Variants in SYN3 observed in about 807,000 individuals in gnomAD.
SYN3 encodes the protein synapsin III, also known as synapsin-3.
In SYN3, 35 loss-of-function variants were observed where a neutral mutation model predicts 65.8. That is an observed-to-expected ratio of 0.53 (90% CI 0.41 to 0.70). The LOEUF (loss-of-function observed/expected upper bound fraction) is 0.70, where lower values mean the gene tolerates loss of function less well. SYN3 is among the 30% of genes least tolerant of loss of function. The pLI is 0.00. For synonymous variants in SYN3, 270 were observed against 292.9 expected (o/e 0.92, Z 0.80); for missense variants, 680 against 749.0 (o/e 0.91, Z 1.08).
At chr22:32,973,421 G>A (rs61226089) in intron 3 of SYN3, among the ~76,000 whole-genome samples, 7 of 151,794 alleles carry the variant, frequency 4.6e-5, no homozygotes, top group East Asian at 1.9e-4. Flanking sequence ...TTTTACCCCC[G>A]CCAAAAAAGA....
intron 2 of SYN3, among the ~76,000 whole-genome samples, chr22:33,003,796 T>C (rs1052743172): frequency 4.6e-5 from 7 of 152,178 alleles, no homozygotes; most frequent in African/African-American, 1.7e-4. Context: ...GGGGAAAATG[T>C]CTCTAGGGCA....
chr22:32,509,300 G>A lies in SYN3; in HGVS notation c.*4392C>T, dbSNP rs533006966. On this transcript the variant is annotated 3_prime_UTR_variant, in exon 14 of 14. Transcript: ENST00000358763. ...CAGCTTCCCCGAGTCAGCTTGGAGG[G>A]AAAATGCTAGCCTCTCTCTGGCTCA... Among the ~76,000 whole-genome samples the A allele has an allele frequency of 6.6e-6, 1 of 152,248 alleles. No individual in the cohort carries two copies. Among genetic ancestry groups the A allele is most frequent in the South Asian group, 2.1e-4 (1 of 4,818 alleles).
At chr22:32,656,589 T>C (rs2060144882) in intron 6 of SYN3, among the ~76,000 whole-genome samples, 3 of 152,174 alleles carry the variant, frequency 2.0e-5, no homozygotes, top group Admixed American at 6.5e-5. Context: ...TGTTTAACAT[T>C]CAGAGTAGGA....
At chr22:33,036,208 G>A (rs550141740) in intron 1 of SYN3, among the ~76,000 whole-genome samples, 1 of 152,102 alleles carries the variant, frequency 6.6e-6, no homozygotes, top group Non-Finnish European at 1.5e-5. Flanking sequence ...AGCCTCAGAT[G>A]TGTCTGTGGC....
rs2057669518 is a variant in SYN3 at position 32,509,626 on chromosome 22, T to C, written c.*4066A>G. ...CTCTGTTGCCCAGGCTGGAGTGCAG[T>C]GGTGCGATCTCGGCTCACTGCAAGC... On this transcript the variant is annotated 3_prime_UTR_variant, in exon 14 of 14. Coordinates refer to ENST00000358763, the MANE Select transcript of SYN3 (RefSeq NM_003490.4). Among the ~76,000 whole-genome samples the C allele has an allele frequency of 6.6e-6, 1 of 152,068 alleles. No homozygotes were observed. Among genetic ancestry groups the C allele is most frequent in the South Asian group, 2.1e-4 (1 of 4,818 alleles).
chr22:32,786,511 C>T (rs936410202), intron 6 of SYN3, among the ~76,000 whole-genome samples: 25 of 151,810 alleles, frequency 1.6e-4, no homozygotes, highest in African/African-American at 4.6e-4. Context: ...TACAGGTGCC[C>T]GCCACCACGC....
At position 32,712,350 on chromosome 22, in the gene SYN3, C is replaced by A. The variant is rs963388446; in HGVS notation, c.712-115614G>T. ...TATCACTATTTCAAAGCATATGATT[C>A]ATTTTCATTGTTTGCCTCCCCCACC... On this transcript the variant is annotated intron_variant, in intron 6 of 13. Coordinates refer to ENST00000358763, the MANE Select transcript of SYN3 (RefSeq NM_003490.4). Among the ~76,000 whole-genome samples the A allele has an allele frequency of 6.6e-5, 10 of 152,300 alleles. No homozygotes were observed. The East Asian group carries it at 9.6e-4, about 15-fold the overall frequency.
At chr22:32,630,074 C>G (rs768393735) in intron 6 of SYN3, among the ~76,000 whole-genome samples, 27 of 151,658 alleles carry the variant, frequency 1.8e-4, no homozygotes, top group Admixed American at 3.9e-4. Context: ...ACCTCGGCCT[C>G]CTGGGTTCAA....
At chr22:32,850,458 A>G (rs1436490873) in intron 6 of SYN3, among the ~76,000 whole-genome samples, 1 of 152,112 alleles carries the variant, frequency 6.6e-6, no homozygotes, top group African/African-American at 2.4e-5. Flanking sequence ...TTGCCTTAGC[A>G]CAGAAGACTG....
chr22:32,615,373 G>C (rs1269419068), intron 6 of SYN3, among the ~76,000 whole-genome samples: 1 of 148,300 alleles, frequency 6.7e-6, no homozygotes, highest in Non-Finnish European at 1.5e-5. Context: ...GGCGGAGGTT[G>C]CAGTGAGCTG....
rs115462858 is a variant in SYN3, at chr22:32,850,867, C to T, written c.711+14048G>A. On this transcript the variant is annotated intron_variant, in intron 6 of 13. Transcript: ENST00000358763. ...CAGGTAGAAGGGAGTGGAGGAGTGA[C>T]GCAGCCCACGGTGGTACCCAACCAT... Among the ~76,000 whole-genome samples the T allele has an allele frequency of 4.3e-3, 655 of 152,282 alleles. 1 individual carries two copies. Among genetic ancestry groups the T allele is most frequent in the African/African-American group, 0.015 (618 of 41,554 alleles).
At chr22:32,979,955 G>C (rs2052324385) in intron 3 of SYN3, among the ~76,000 whole-genome samples, 1 of 152,132 alleles carries the variant, frequency 6.6e-6, no homozygotes, top group African/African-American at 2.4e-5. Context: ...TTGGCAGAGA[G>C]GAGGTCCTCG....
chr22:32,900,463 A>G (rs184193373), intron 4 of SYN3, among the ~76,000 whole-genome samples: 118 of 152,352 alleles, frequency 7.7e-4, no homozygotes, highest in Middle Eastern at 6.8e-3. Flanking sequence ...TTTATTGAAT[A>G]AATACTCTGT....
intron 4 of SYN3, among the ~76,000 whole-genome samples, chr22:32,886,290 G>C (rs976399529): frequency 4.6e-5 from 7 of 152,158 alleles, no homozygotes; most frequent in African/African-American, 1.4e-4. Context: ...ACTTCTGCGA[G>C]GTCGTGAGAA....
intron 3 of SYN3, among the ~76,000 whole-genome samples, chr22:32,936,392 A>G (rs535142894): frequency 1.1e-4 from 17 of 152,336 alleles, no homozygotes; most frequent in East Asian, 5.8e-4. Context: ...CATCAGTTTC[A>G]CTGAGTTAAG....
intron 4 of SYN3, among the ~76,000 whole-genome samples, chr22:32,891,903 A>G (rs1355926868): frequency 6.6e-6 from 1 of 151,982 alleles, no homozygotes; most frequent in Non-Finnish European, 1.5e-5. Flanking sequence ...AAATCAGACA[A>G]TTGGAAGTAA....
At chr22:32,913,993 T>C (rs2050126038) in intron 4 of SYN3, among the ~76,000 whole-genome samples, 1 of 152,220 alleles carries the variant, frequency 6.6e-6, no homozygotes, top group Non-Finnish European at 1.5e-5. Flanking sequence ...CTATATGGCA[T>C]TGTTGCAAGG....
intron 5 of SYN3, 121 bp downstream of exon 5, chr22:32,868,845 A>T: frequency 1.3e-6 from 1 of 767,562 alleles, no homozygotes; most frequent in Non-Finnish European, 1.9e-6. Context: ...AGTTCAGTTC[A>T]GTTGCTTAAA....
rs757613563 is a variant in SYN3, at chr22:32,857,278, T to G, written c.711+7637A>C. 1.2e-6 allele frequency: 2 copies of G among 1,614,086 alleles called. No individual in the cohort carries two copies. Among genetic ancestry groups the G allele is most frequent in the East Asian group, 4.5e-5 (2 of 44,868 alleles). The stretch of plus-strand genomic sequence containing the variant: ...ACCGAGGCTTCACCAAGATGCCCCA[T>G]GTGCAGTACATCCATACGGAAGCTT... On this transcript the variant is annotated intron_variant, in intron 6 of 13. Transcript: ENST00000358763.
Sources: gnomAD v4.1 joint callset for allele counts (sites outside exome capture counted in the v4.1 genomes callset) on GRCh38, gnomAD v4.1.1 for gene constraint, MANE v1.5 for transcripts, NCBI Gene and HGNC (gene_info 2026-07-23, HGNC 2026-07-21) for gene names.